SUGP1: variants seen among roughly 807,000 people sequenced by gnomAD.
SUGP1 encodes SURP and G-patch domain-containing protein 1.
A neutral mutation model predicts 76.5 loss-of-function variants in SUGP1; 34 were observed. The observed-to-expected ratio is 0.44, with a 90% CI of 0.34 to 0.59. The LOEUF (loss-of-function observed/expected upper bound fraction) is 0.59. SUGP1 is among the 20% of genes least tolerant of loss of function. The probability of loss-of-function intolerance (pLI) is 0.01; values close to 1 mark genes in which losing one functional copy is unlikely to be tolerated. For missense variants in SUGP1, 752 were observed against 851.7 expected, an observed-to-expected ratio of 0.88 and a Z score of 1.46; for synonymous variants, 326 against 326.2, an observed-to-expected ratio of 1.00 and a Z score of 0.01.
At chr19:19,299,673 C>T (rs1468039679) in intron 7 of SUGP1, among the ~76,000 whole-genome samples, 3 of 151,492 alleles carry the variant, frequency 2.0e-5, no homozygotes, top group Admixed American at 6.6e-5. Flanking sequence ...TGAGCCACCG[C>T]ACCCGGCCTA....
chr19:19,320,030 A>G (rs939728976), intron 1 of SUGP1, among the ~76,000 whole-genome samples: 1 of 152,224 alleles, frequency 6.6e-6, no homozygotes, highest in Non-Finnish European at 1.5e-5. Context: ...AGTGAGGGTC[A>G]AAAGACGCGG....
Position 19,277,890 on chromosome 19 carries a change from A to G in SUGP1, c.1636-11T>C, listed in dbSNP as rs2061066492. On this transcript the variant is annotated splice_polypyrimidine_tract_variant and intron_variant, in intron 11 of 13. Coordinates refer to ENST00000247001, the MANE Select transcript of SUGP1 (RefSeq NM_172231.4). ...AGGCTCACGGCCCTCCTGCAAGGTG[A>G]GGAGGTAGCTGTCACCCACCAGGGC... 6.2e-7 allele frequency: 1 copy of G among 1,612,820 alleles called. No individual in the cohort carries two copies. Among genetic ancestry groups the G allele is most frequent in the African/African-American group, 1.3e-5 (1 of 75,028 alleles).
chr19:19,291,928 C>CACAT (rs2061187728), intron 8 of SUGP1, among the ~76,000 whole-genome samples: 1 of 141,588 alleles, frequency 7.1e-6, no homozygotes, highest in Non-Finnish European at 1.6e-5. Context: ...CACACACACA[C>CACAT]ACACAAAAGG....
chr19:19,302,323 C>T lies in SUGP1; in HGVS notation c.829G>A (p.Gly277Arg), dbSNP rs753091052. Residue 277 changes from glycine (G) to arginine (R), a missense_variant, in exon 7 of 14, where the codon GGG becomes AGG. By Grantham distance (125) the Gly-to-Arg change is moderately radical (BLOSUM62 -2). Coordinates refer to ENST00000247001, the MANE Select transcript of SUGP1 (RefSeq NM_172231.4). Reference sequence around the variant, plus strand: ...GCAATGGTTTCCACCTCGGGACCCCCGTCCGCTATGAACCTGGCCAACTTT... The same window carrying T: ...GCAATGGTTTCCACCTCGGGACCCCTGTCCGCTATGAACCTGGCCAACTTT... ...AEKLARFIAD[G>R]GPEVETIALQ... 14 of 1,614,060 alleles carry T rather than the reference C, an allele frequency of 8.7e-6. No homozygotes were observed. The highest frequency in any genetic ancestry group is 1.6e-4 in the Middle Eastern group (1 of 6,082).
At chr19:19,301,156 C>A (rs1007246793) in intron 7 of SUGP1, among the ~76,000 whole-genome samples, 1 of 152,172 alleles carries the variant, frequency 6.6e-6, no homozygotes, top group Non-Finnish European at 1.5e-5. Context: ...CAGGGCCAGT[C>A]TGACATTCAG....
chr19:19,292,666 C>CA (rs963805848), intron 8 of SUGP1, among the ~76,000 whole-genome samples: 17 of 147,912 alleles, frequency 1.1e-4, no homozygotes, highest in African/African-American at 1.5e-4. Context: ...AACTCCATTT[C>CA]AAAAAAAAAG....
chr19:19,295,878 C>T (rs766771188), intron 8 of SUGP1, among the ~76,000 whole-genome samples: 7 of 151,948 alleles, frequency 4.6e-5, no homozygotes, highest in East Asian at 1.9e-4. Context: ...AAACATAAAA[C>T]GTGGGGAAAA....
chr19:19,300,907 G>A (rs1248746330), intron 7 of SUGP1, among the ~76,000 whole-genome samples: 6 of 152,286 alleles, frequency 3.9e-5, no homozygotes, highest in South Asian at 2.1e-4. Flanking sequence ...GGGCTGCAGC[G>A]GCTGGGCCCT....
intron 8 of SUGP1, among the ~76,000 whole-genome samples, chr19:19,293,288 A>G (rs568434395): frequency 2.1e-4 from 32 of 151,924 alleles, no homozygotes; most frequent in East Asian, 1.9e-3. Flanking sequence ...AACTAGGAAC[A>G]GAAGTGAACT....
rs116626270 is a variant in SUGP1 at position 19,310,649 on chromosome 19, T to C, written c.207-449A>G. On this transcript the variant is annotated intron_variant, in intron 2 of 13. Coordinates refer to ENST00000247001, the MANE Select transcript of SUGP1 (RefSeq NM_172231.4). ...CTCTCTCTCTGTCTCTCTCCCTCTC[T>C]ATCTATCTATCCGAAACAGAGTTTT... Among the ~76,000 whole-genome samples, 369 of 152,148 alleles carry C rather than the reference T, an allele frequency of 2.4e-3. 2 individuals carry two copies. Among genetic ancestry groups the C allele is most frequent in the African/African-American group, 8.5e-3 (351 of 41,466 alleles).
At chr19:19,282,188 C>T (rs1002433533) in intron 8 of SUGP1, among the ~76,000 whole-genome samples, 1 of 152,046 alleles carries the variant, frequency 6.6e-6, no homozygotes, top group Non-Finnish European at 1.5e-5. Flanking sequence ...CCATATTAGT[C>T]AGGCTGGTCT....
At chr19:19,292,444 G>A (rs1452039114) in intron 8 of SUGP1, among the ~76,000 whole-genome samples, 3 of 152,046 alleles carry the variant, frequency 2.0e-5, no homozygotes, top group Non-Finnish European at 4.4e-5. Flanking sequence ...GCTCACGCCT[G>A]TAATCCCAGA....
chr19:19,278,581 G>T, intron 11 of SUGP1, 109 bp downstream of exon 11: 1 of 915,304 alleles, frequency 1.1e-6, no homozygotes, highest in Non-Finnish European at 1.7e-6. Context: ...CCTGGCTCCT[G>T]CTGTGATCGA....
chr19:19,308,065 G>C (rs12327663), intron 3 of SUGP1, among the ~76,000 whole-genome samples: 2 of 152,052 alleles, frequency 1.3e-5, no homozygotes, highest in South Asian at 4.1e-4. Flanking sequence ...GTCTTGCTCT[G>C]TCTCCTAGGC....
chr19:19,302,571 C>T (rs921776607), intron 6 of SUGP1, 183 bp from the exon 7 acceptor site: 5 of 834,886 alleles, frequency 6.0e-6, no homozygotes, highest in African/African-American at 5.2e-5. Context: ...CTCAAGCCCC[C>T]ACCCCCGACC....
chr19:19,291,825 G>A (rs543655752), intron 8 of SUGP1, among the ~76,000 whole-genome samples: 2 of 150,788 alleles, frequency 1.3e-5, no homozygotes, highest in East Asian at 3.9e-4. Context: ...CCTGGGAGGC[G>A]GAGCTTGCAG....
rs200033194 is a variant in SUGP1 at position 19,276,995 on chromosome 19, C to T, written c.1863G>A (p.Ala621=). ...ELSKEDDEYE[A]FRKRMMLAYR... Reference sequence around the variant, plus strand: ...AGGCCAGCATCATCCTCTTGCGGAACGCCTCATACTCGTCGTCCTCCTTGG... The same window carrying T: ...AGGCCAGCATCATCCTCTTGCGGAATGCCTCATACTCGTCGTCCTCCTTGG... Residue 621 remains alanine, a synonymous_variant, in exon 13 of 14, where the codon GCG becomes GCA. Coordinates refer to ENST00000247001, the MANE Select transcript of SUGP1 (RefSeq NM_172231.4). 20 of 1,613,084 alleles carry T rather than the reference C, an allele frequency of 1.2e-5. No homozygotes were observed. Among genetic ancestry groups the T allele is most frequent in the South Asian group, 3.3e-5 (3 of 91,084 alleles).
In SUGP1 at chr19:19,277,658, G is replaced by T. The variant is rs1391244092; in HGVS notation, c.1781+76C>A. Reference sequence around the variant, plus strand: ...CAAGGGAAAAGCGATGACATAAAGGGGTGGGAATGGGGAGGCGGCAGGGGA... The same window carrying T: ...CAAGGGAAAAGCGATGACATAAAGGTGTGGGAATGGGGAGGCGGCAGGGGA... On this transcript the variant is annotated intron_variant, in intron 12 of 13. Transcript: ENST00000247001. 2.5e-5 allele frequency: 39 copies of T among 1,550,418 alleles called. No individual in the cohort carries two copies. In the Admixed American group the frequency reaches 6.8e-4, roughly 27 times the overall value.
chr19:19,316,899 A>C (rs1434682857), intron 1 of SUGP1, among the ~76,000 whole-genome samples: 1 of 152,134 alleles, frequency 6.6e-6, no homozygotes, highest in Non-Finnish European at 1.5e-5. Flanking sequence ...GCACTTTGGG[A>C]GGCAGGGGCA....
Sources: gnomAD v4.1 joint callset for allele counts (sites outside exome capture counted in the v4.1 genomes callset) on GRCh38, gnomAD v4.1.1 for gene constraint, MANE v1.5 for transcripts, NCBI Gene and HGNC (gene_info 2026-07-23, HGNC 2026-07-21) for gene names.